Variants in EEF2 observed in about 807,000 individuals in gnomAD.
EEF2 encodes eukaryotic translation elongation factor 2.
Under a neutral mutation model 85.3 loss-of-function variants are expected in EEF2, and 21 were observed. The observed-to-expected ratio is 0.25, with a 90% CI of 0.17 to 0.35. The LOEUF is 0.35. EEF2 is among the 10% of genes least tolerant of loss of function. The pLI is 1.00. For missense variants in EEF2, 825 were observed against 1,225.3 expected (o/e 0.67, Z 4.88); for synonymous variants, 723 against 508.8 (o/e 1.42, Z -5.67).
In EEF2 at chr19:3,977,690, TCCACCAGGGGGACCTGGGG is replaced by T. The variant is rs1429697763; in HGVS notation, c.2068-99_2068-81del. 120 of 1,470,178 alleles carry T rather than the reference TCCACCAGGGGGACCTGGGG, an allele frequency of 8.2e-5. No homozygotes were observed. Among genetic ancestry groups the T allele is most frequent in the Middle Eastern group, 2.3e-4 (1 of 4,346 alleles). 91.1% of individuals were successfully genotyped at this position (1,470,178 alleles called of 1,614,324 possible). On this transcript the variant is annotated intron_variant, in intron 12 of 14. Transcript: ENST00000309311. The surrounding 1 kb of genome is among the most constrained non-coding windows in gnomAD (Gnocchi z 5.4). ...CTCCACCTGCCAAGTCCTGCAGGTC[TCCACCAGGGGGACCTGGGG>T]CCTTGCCCGCCTTGGCCCCATTAGG...
At chr19:3,985,144 G>A (rs1324780016) in intron 1 of EEF2, 2 of 418,464 alleles carry the variant, frequency 4.8e-6, no homozygotes, top group Non-Finnish European at 8.4e-6. Flanking sequence ...TAACAACCCA[G>A]CTCCAACCAG....
rs769961847 is a variant in EEF2, at chr19:3,982,055, G to A, written c.792-3C>T. 5.6e-6 allele frequency: 9 copies of A among 1,614,052 alleles called. No homozygotes were observed. The highest frequency in any genetic ancestry group is 5.0e-5 in the Admixed American group (3 of 60,026). ...TGCCGTTGGCTGGGTCAAAGTACCT[G>A]GCAAGGAGAGGCCAAGCCAAATCAA... On this transcript the variant is annotated splice_polypyrimidine_tract_variant and splice_region_variant and intron_variant, in intron 5 of 14. Coordinates refer to ENST00000309311, the MANE Select transcript of EEF2 (RefSeq NM_001961.4).
intron 6 of EEF2, among the ~76,000 whole-genome samples, 200 bp from the exon 7 acceptor site, chr19:3,981,652 A>G (rs2039748953): frequency 6.6e-6 from 1 of 152,196 alleles, no homozygotes; most frequent in African/African-American, 2.4e-5. Flanking sequence ...GCAGAGGAAA[A>G]AGCCCACTCT....
chr19:3,984,564 A>G (rs1214879174), intron 1 of EEF2, among the ~76,000 whole-genome samples: 2 of 152,236 alleles, frequency 1.3e-5, no homozygotes, highest in African/African-American at 2.4e-5. Flanking sequence ...TTCATGATTG[A>G]CAACCCAGAA....
rs151166347 is a variant in EEF2, at chr19:3,976,969, G to A, written c.2384-222C>T. Reference sequence around the variant, plus strand: ...TGTGCTACAGCTCGGCTGCTCTACCGGCCCAGGGCGTAGGCCTTCAGAGCT... The same window carrying A: ...TGTGCTACAGCTCGGCTGCTCTACCAGCCCAGGGCGTAGGCCTTCAGAGCT... On this transcript the variant is annotated intron_variant, in intron 14 of 14. Coordinates refer to ENST00000309311, the MANE Select transcript of EEF2 (RefSeq NM_001961.4). Among the ~76,000 whole-genome samples the A allele has an allele frequency of 1.5e-3, 227 of 152,276 alleles. 1 individual carries two copies. Among genetic ancestry groups the A allele is most frequent in the African/African-American group, 5.1e-3 (211 of 41,550 alleles).
rs62131468 is a variant in EEF2 at position 3,984,790 on chromosome 19, C to A, written c.4-440G>T. 2.1e-5 allele frequency: 4 copies of A among 193,202 alleles called. No homozygotes were observed. The East Asian group carries it at 5.6e-4, about 27-fold the overall frequency. 12.0% of individuals were successfully genotyped at this position (193,202 alleles called of 1,614,324 possible). A position where few individuals can be genotyped will look rare whatever the true frequency, so the allele number is the denominator to read the frequency against. On this transcript the variant is annotated intron_variant, in intron 1 of 14. Transcript: ENST00000309311. ...GCAAACGGGATCAGACAAGGCCACC[C>A]ACCCCAGGAAATAACGGGGAGCCGG...
Position 3,980,499 on chromosome 19 carries a change from C to T in EEF2, c.1346+15G>A, listed in dbSNP as rs2039732005. 6.2e-7 allele frequency: 1 copy of T among 1,607,188 alleles called. No individual in the cohort carries two copies. The highest frequency in any genetic ancestry group is 1.7e-4 in the Middle Eastern group (1 of 6,012). ...CAACAGTGCCAAGGGGCCTGCACAT[C>T]ACCCAGCTGCTCACCTCTGGATTGG... On this transcript the variant is annotated intron_variant, in intron 9 of 14. Coordinates refer to ENST00000309311, the MANE Select transcript of EEF2 (RefSeq NM_001961.4).
rs1382468949 is a variant in EEF2 at position 3,981,936 on chromosome 19, C to T, written c.897+11G>A. Reference sequence around the variant, plus strand: ...CGCATCGGCGGGGTGCCTGGCGCAGCCCTCACTCACCTTGAAGATGGGGTC... The same window carrying T: ...CGCATCGGCGGGGTGCCTGGCGCAGTCCTCACTCACCTTGAAGATGGGGTC... On this transcript the variant is annotated intron_variant, in intron 6 of 14. Coordinates refer to ENST00000309311, the MANE Select transcript of EEF2 (RefSeq NM_001961.4). 5.6e-6 allele frequency: 9 copies of T among 1,612,558 alleles called. No individual in the cohort carries two copies. The highest frequency in any genetic ancestry group is 7.6e-6 in the Non-Finnish European group (9 of 1,179,154).
intron 7 of EEF2, among the ~76,000 whole-genome samples, 156 bp downstream of exon 7, chr19:3,981,183 G>C (rs1406545824): frequency 6.6e-6 from 1 of 152,260 alleles, no homozygotes; most frequent in Non-Finnish European, 1.5e-5. Flanking sequence ...GCTGGCTGCT[G>C]GGATGTGTCT....
chr19:3,979,742 A>C, intron 10 of EEF2, 66 bp downstream of exon 10: 1 of 1,565,316 alleles, frequency 6.4e-7, no homozygotes, highest in Non-Finnish European at 8.6e-7. Flanking sequence ...CCACACAGCC[A>C]CAACTCAGGA....
Position 3,979,315 on chromosome 19 carries a change from C to G in EEF2, c.1713+14G>C. On this transcript the variant is annotated intron_variant, in intron 11 of 14. Coordinates refer to ENST00000309311, the MANE Select transcript of EEF2 (RefSeq NM_001961.4). Reference sequence around the variant, plus strand: ...GGGGTGGGGCGTGGGGAAGGCTGGTCACTGGCGCCTCACCTTGATGGGGAT... The same window carrying G: ...GGGGTGGGGCGTGGGGAAGGCTGGTGACTGGCGCCTCACCTTGATGGGGAT... 1 of 1,609,474 alleles carries G rather than the reference C, an allele frequency of 6.2e-7. No individual in the cohort carries two copies. Among genetic ancestry groups the G allele is most frequent in the Non-Finnish European group, 8.5e-7 (1 of 1,176,074 alleles).
In EEF2 at chr19:3,980,557, T is replaced by C; in HGVS notation, c.1303A>G (p.Thr435Ala). The C allele has an allele frequency of 6.2e-7, 1 of 1,613,984 alleles. No individual in the cohort carries two copies. The highest frequency in any genetic ancestry group is 8.5e-7 in the Non-Finnish European group (1 of 1,179,976). ...LKVRIMGPNY[T>A]PGKKEDLYLK... ...TAGAGGTCCTCCTTCTTCCCAGGGG[T>C]ATAGTTGGGCCCCATGATCCTGACC... The change falls in exon 9 of 15, where the codon ACC (threonine) becomes GCC (alanine). Residue 435 changes from threonine to alanine, a missense_variant. Coordinates refer to ENST00000309311, the MANE Select transcript of EEF2 (RefSeq NM_001961.4).
chr19:3,978,465 A>T (rs1000542396), intron 11 of EEF2, among the ~76,000 whole-genome samples: 1 of 152,148 alleles, frequency 6.6e-6, no homozygotes, highest in African/African-American at 2.4e-5. Context: ...ACCCCTCCAG[A>T]GCATTTGTGT....
At chr19:3,983,350 T>C in intron 2 of EEF2, 59 bp from the exon 3 acceptor site, 1 of 1,554,078 alleles carries the variant, frequency 6.4e-7, no homozygotes, top group South Asian at 1.2e-5. Context: ...CCAGGGAGTC[T>C]GGGATGCTGT....
At position 3,976,411 on chromosome 19, in the gene EEF2, G is replaced by T; in HGVS notation, c.*143C>A. The T allele has an allele frequency of 1.2e-6, 1 of 846,276 alleles. No homozygotes were observed. The highest frequency in any genetic ancestry group is 1.8e-6 in the Non-Finnish European group (1 of 558,988). 52.4% of individuals were successfully genotyped at this position (846,276 alleles called of 1,614,324 possible). A position where few individuals can be genotyped will look rare whatever the true frequency, so the allele number is the denominator to read the frequency against. ...ACGGCATCAAGTGTTATGGTTGAGT[G>T]ATGGCACGCAGCGGGCCCCAGAAAC... On this transcript the variant is annotated 3_prime_UTR_variant, in exon 15 of 15. Coordinates refer to ENST00000309311, the MANE Select transcript of EEF2 (RefSeq NM_001961.4).
At chr19:3,980,809 C>A in intron 8 of EEF2, 32 bp downstream of exon 8, 1 of 1,582,406 alleles carries the variant, frequency 6.3e-7, no homozygotes. Flanking sequence ...CATCCGGCTG[C>A]ATCTCAGGGC....
At chr19:3,979,111 G>A (rs1183780056) in intron 11 of EEF2, among the ~76,000 whole-genome samples, 1 of 152,082 alleles carries the variant, frequency 6.6e-6, no homozygotes, top group Non-Finnish European at 1.5e-5. Context: ...CAGCCTGGAT[G>A]ACACAGCGAG....
intron 10 of EEF2, 21 bp downstream of exon 10, chr19:3,979,787 G>A (rs1242296286): frequency 1.8e-5 from 29 of 1,605,090 alleles, no homozygotes; most frequent in Non-Finnish European, 2.5e-5. Context: ...TCTGCTCCCA[G>A]CAGGTGCACT....
In EEF2 at chr19:3,983,204, G is replaced by A. The variant is rs765302046; in HGVS notation, c.306C>T (p.Leu102=). The A allele has an allele frequency of 2.5e-6, 4 of 1,614,066 alleles. No homozygotes were observed. In the Admixed American group the frequency reaches 6.7e-5, roughly 27 times the overall value. Residue 102 remains leucine (L), a synonymous_variant, in exon 3 of 15, where the codon CTC becomes CTT. Transcript: ENST00000309311. ...SKDGAGFLIN[L]IDSPGHVDFS... ...AGTCGACATGCCCGGGGGAGTCAATGAGGTTGATGAGGAAGCCGGCACCGT... is the reference window on the plus strand; with the variant it reads ...AGTCGACATGCCCGGGGGAGTCAATAAGGTTGATGAGGAAGCCGGCACCGT...
Sources: allele counts gnomAD v4.1 joint callset (sites outside exome capture counted in the v4.1 genomes callset), GRCh38; gene constraint gnomAD v4.1.1; non-coding constraint Gnocchi (gnomAD v3.1); transcripts MANE v1.5; gene names NCBI Gene and HGNC (gene_info 2026-07-23, HGNC 2026-07-21).